The following NAV3 variants were observed in gnomAD, a reference collection of about 807,000 sequenced individuals.
The protein encoded by NAV3 is neuron navigator 3.
Under a neutral mutation model 244.7 loss-of-function variants are expected in NAV3, and 87 were observed. That is an observed-to-expected ratio of 0.36 (90% CI 0.30 to 0.42). The LOEUF (loss-of-function observed/expected upper bound fraction) is 0.42, where lower values mean the gene tolerates loss of function less well. NAV3 is among the 20% of genes least tolerant of loss of function. The probability of loss-of-function intolerance (pLI) is 1.00; values close to 1 mark genes in which losing one functional copy is unlikely to be tolerated. For synonymous variants in NAV3, 1,126 were observed against 1,042.2 expected, an observed-to-expected ratio of 1.08 and a Z score of -1.55; for missense variants, 2,663 against 2,893.3, an observed-to-expected ratio of 0.92 and a Z score of 1.83.
chr12:77,697,150 T>C (rs1875343101), intron 2 of NAV3, among the ~76,000 whole-genome samples: 1 of 152,124 alleles, frequency 6.6e-6, no homozygotes, highest in Admixed American at 6.6e-5. Context: ...ACTAACTCCT[T>C]CAGCCCTGTT....
At chr12:77,687,114 A>G (rs1343937031) in intron 2 of NAV3, among the ~76,000 whole-genome samples, 6 of 152,116 alleles carry the variant, frequency 3.9e-5, no homozygotes, top group African/African-American at 9.7e-5. Flanking sequence ...TTTTCTTACT[A>G]ACATTTTCTA....
intron 2 of NAV3, among the ~76,000 whole-genome samples, chr12:77,770,971 C>A (rs1016543960): frequency 2.0e-5 from 3 of 152,084 alleles, no homozygotes; most frequent in Non-Finnish European, 2.9e-5. Flanking sequence ...TCAGCGTGAA[C>A]AGGCAACCTA....
chr12:78,148,626 A>C (rs1956956815), intron 21 of NAV3, among the ~76,000 whole-genome samples: 1 of 152,090 alleles, frequency 6.6e-6, no homozygotes, highest in Admixed American at 6.6e-5. Context: ...GCGTACTTTG[A>C]TTTGTAGATT....
intron 23 of NAV3, among the ~76,000 whole-genome samples, chr12:78,164,274 A>G (rs1317266764): frequency 6.6e-6 from 1 of 152,104 alleles, no homozygotes; most frequent in Non-Finnish European, 1.5e-5. Context: ...AGAGCAGGGC[A>G]GAGAAGTAGC....
At chr12:78,030,382 C>T (rs558276965) in intron 9 of NAV3, among the ~76,000 whole-genome samples, 4 of 152,278 alleles carry the variant, frequency 2.6e-5, no homozygotes, top group African/African-American at 9.6e-5. Context: ...CTAGCTCAGA[C>T]TGGCCCACAG....
intron 2 of NAV3, among the ~76,000 whole-genome samples, chr12:77,659,989 T>C (rs1180292606): frequency 6.6e-6 from 1 of 151,462 alleles, no homozygotes; most frequent in Non-Finnish European, 1.5e-5. Flanking sequence ...GGGATAGCAC[T>C]GGGAGATATA....
chr12:78,006,438 A>G lies in NAV3; in HGVS notation c.900A>G (p.Gln300=), dbSNP rs767368234. 6.2e-6 allele frequency: 10 copies of G among 1,613,474 alleles called. No individual in the cohort carries two copies. The highest frequency in any genetic ancestry group is 2.7e-5 in the African/African-American group (2 of 74,896). ...GTCCAGATTCCTCCAAAGGACCTCA[A>G]TCGTCTTCAGGTGTAAATGGTAACG... ...GNEKDSSKGP[Q]SSSGVNGNVQ... Residue 300 remains glutamine, a synonymous_variant, in exon 8 of 40, where the codon CAA becomes CAG. Coordinates refer to ENST00000397909, the MANE Select transcript of NAV3 (RefSeq NM_001024383.2).
At chr12:77,802,458 T>C (rs2135974376) in intron 2 of NAV3, among the ~76,000 whole-genome samples, 1 of 152,336 alleles carries the variant, frequency 6.6e-6, no homozygotes, top group Middle Eastern at 3.4e-3. Flanking sequence ...ATCAAGGTCA[T>C]CTGTGACTTT....
intron 25 of NAV3, among the ~76,000 whole-genome samples, 183 bp downstream of exon 25, chr12:78,175,610 T>C (rs1199493824): frequency 6.6e-6 from 1 of 152,052 alleles, no homozygotes; most frequent in Non-Finnish European, 1.5e-5. Flanking sequence ...TACATTTTAA[T>C]GTTGGGACTA....
intron 12 of NAV3, among the ~76,000 whole-genome samples, 165 bp downstream of exon 12, chr12:78,059,280 T>C (rs1348276912): frequency 6.6e-6 from 1 of 152,132 alleles, no homozygotes; most frequent in Non-Finnish European, 1.5e-5. Flanking sequence ...TTTGTTTGTT[T>C]GTTTGTTTTC....
intron 1 of NAV3, among the ~76,000 whole-genome samples, chr12:77,920,879 G>A (rs1887647854): frequency 6.6e-6 from 1 of 152,054 alleles, no homozygotes; most frequent in Non-Finnish European, 1.5e-5. Context: ...GATAGTAGTA[G>A]ACTTTCCAAG....
intron 23 of NAV3, among the ~76,000 whole-genome samples, chr12:78,167,562 T>G (rs1361258632): frequency 6.6e-6 from 1 of 151,450 alleles, no homozygotes; most frequent in Non-Finnish European, 1.5e-5. Flanking sequence ...TCACCAGATA[T>G]TCCCATGTAT....
chr12:77,758,184 T>C (rs187494425), intron 2 of NAV3, among the ~76,000 whole-genome samples: 2 of 152,318 alleles, frequency 1.3e-5, no homozygotes, highest in East Asian at 3.9e-4. Flanking sequence ...CTACTTAAGA[T>C]ATAAATCTTT....
chr12:78,071,182 G>T (rs1952745063), intron 12 of NAV3, among the ~76,000 whole-genome samples: 1 of 152,110 alleles, frequency 6.6e-6, no homozygotes. Flanking sequence ...GTGTAAAAGT[G>T]TTCCTATTTC....
chr12:77,698,796 C>A (rs1875428193), intron 2 of NAV3, among the ~76,000 whole-genome samples: 1 of 152,098 alleles, frequency 6.6e-6, no homozygotes, highest in African/African-American at 2.4e-5. Context: ...TGTTCAAGCC[C>A]TAACAGCTGG....
chr12:78,126,056 C>T (rs1221338056), intron 16 of NAV3, among the ~76,000 whole-genome samples: 1 of 152,160 alleles, frequency 6.6e-6, no homozygotes, highest in Non-Finnish European at 1.5e-5. Flanking sequence ...TGTTTATCCA[C>T]AGTACTTAAG....
intron 29 of NAV3, among the ~76,000 whole-genome samples, chr12:78,180,381 GA>G (rs1958449034): frequency 6.6e-6 from 1 of 151,810 alleles, no homozygotes; most frequent in Admixed American, 6.6e-5. Flanking sequence ...CGATTGGAAG[GA>G]AAAAAAGAAA....
chr12:77,881,220 T>C (rs1283415303), intron 1 of NAV3, among the ~76,000 whole-genome samples: 1 of 152,164 alleles, frequency 6.6e-6, no homozygotes, highest in Non-Finnish European at 1.5e-5. Context: ...CACTTTTTAG[T>C]GGAATTTTTA....
intron 1 of NAV3, among the ~76,000 whole-genome samples, chr12:77,900,609 GTC>G (rs1885174302): frequency 6.6e-6 from 1 of 152,050 alleles, no homozygotes; most frequent in Non-Finnish European, 1.5e-5. Context: ...TCTTTATCCA[GTC>G]TACCATTTAT....
Sources: gnomAD v4.1 joint callset for allele counts (sites outside exome capture counted in the v4.1 genomes callset) on GRCh38, gnomAD v4.1.1 for gene constraint, MANE v1.5 for transcripts, NCBI Gene and HGNC (gene_info 2026-07-23, HGNC 2026-07-21) for gene names.